Variants in NKAIN2 observed in about 807,000 individuals in gnomAD.
NKAIN2 encodes sodium/potassium transporting ATPase interacting 2, also known as sodium/potassium-transporting ATPase subunit beta-1-interacting protein 2.
Under a neutral mutation model 32.6 loss-of-function variants are expected in NKAIN2, and 14 were observed. The ratio of observed to expected loss-of-function variants is 0.43; its 90% confidence interval spans 0.28 to 0.67. The LOEUF (loss-of-function observed/expected upper bound fraction) is 0.67. Ranked by LOEUF, NKAIN2 falls within the 30% of genes least tolerant of loss-of-function variation. The pLI is 0.17. For missense variants in NKAIN2, 198 were observed against 258.3 expected (o/e 0.77, Z 1.60); for synonymous variants, 80 against 87.2 (o/e 0.92, Z 0.46).
chr6:124,623,358 T>C (rs1456100492), intron 3 of NKAIN2, among the ~76,000 whole-genome samples: 1 of 152,194 alleles, frequency 6.6e-6, no homozygotes, highest in African/African-American at 2.4e-5. Flanking sequence ...TACTAAATTA[T>C]GAGAGCAGGA....
intron 3 of NKAIN2, among the ~76,000 whole-genome samples, chr6:124,441,307 A>G (rs1377890887): frequency 3.3e-5 from 5 of 152,092 alleles, no homozygotes; most frequent in Non-Finnish European, 5.9e-5. Flanking sequence ...ATTAATTCCA[A>G]TCAAGAGAAA....
At chr6:123,959,431 A>C (rs921961713) in intron 1 of NKAIN2, among the ~76,000 whole-genome samples, 3 of 152,136 alleles carry the variant, frequency 2.0e-5, no homozygotes, top group African/African-American at 7.2e-5. Flanking sequence ...AGAAACATAG[A>C]TTTAACACTG....
chr6:124,179,641 G>A (rs1562404959), intron 1 of NKAIN2, among the ~76,000 whole-genome samples: 1 of 152,164 alleles, frequency 6.6e-6, no homozygotes, highest in African/African-American at 2.4e-5. Flanking sequence ...GGCACTCAAG[G>A]CGCATCTGCT....
intron 3 of NKAIN2, among the ~76,000 whole-genome samples, chr6:124,442,967 C>T (rs9398753): frequency 0.67 from 102,542 of 151,984 alleles, 37,428 homozygotes; most frequent in South Asian, 0.81. Context: ...AGCTGACAGC[C>T]CTTCATGTCA....
intron 3 of NKAIN2, among the ~76,000 whole-genome samples, chr6:124,448,161 A>C (rs1775969605): frequency 6.6e-6 from 1 of 152,090 alleles, no homozygotes; most frequent in Admixed American, 6.6e-5. Flanking sequence ...TGTAAAATGA[A>C]GCATTGGAAT....
intron 2 of NKAIN2, among the ~76,000 whole-genome samples, chr6:124,326,504 T>A (rs1797418378): frequency 6.6e-6 from 1 of 151,942 alleles, no homozygotes; most frequent in Non-Finnish European, 1.5e-5. Flanking sequence ...CAAAAGGTTA[T>A]CTCCTCAATT....
intron 1 of NKAIN2, among the ~76,000 whole-genome samples, chr6:124,083,354 G>T (rs1449295972): frequency 1.3e-5 from 2 of 151,814 alleles, no homozygotes; most frequent in Non-Finnish European, 2.9e-5. Flanking sequence ...CCTAATTAAT[G>T]TTAGCTGACC....
intron 1 of NKAIN2, among the ~76,000 whole-genome samples, chr6:123,881,682 A>G (rs1269921911): frequency 2.0e-5 from 3 of 152,216 alleles, no homozygotes; most frequent in African/African-American, 7.2e-5. Flanking sequence ...ATGATTTATC[A>G]TAGTAATAAA....
At chr6:123,860,331 C>T (rs1775738032) in intron 1 of NKAIN2, among the ~76,000 whole-genome samples, 1 of 152,136 alleles carries the variant, frequency 6.6e-6, no homozygotes, top group Non-Finnish European at 1.5e-5. Flanking sequence ...TCTCCAGAAA[C>T]AGTAATTATA....
intron 1 of NKAIN2, among the ~76,000 whole-genome samples, chr6:124,128,802 G>T (rs1303386717): frequency 6.6e-6 from 1 of 152,060 alleles, no homozygotes; most frequent in Non-Finnish European, 1.5e-5. Context: ...TCTTCTTGAG[G>T]TGTTATATTT....
chr6:124,625,017 A>T (rs1290102979), intron 3 of NKAIN2, among the ~76,000 whole-genome samples: 1 of 152,194 alleles, frequency 6.6e-6, no homozygotes, highest in Non-Finnish European at 1.5e-5. Context: ...TACTAAGATA[A>T]TTAAATATTT....
rs528022926 is a variant in NKAIN2 at position 124,061,075 on chromosome 6, C to T, written c.55-221930C>T. ...TGATTTGATCAAAGGGCTCCAATCT[C>T]TGAGAGACAGTAAATAATACAGTAT... is the stretch of plus-strand genomic sequence containing the variant. On this transcript the variant is annotated intron_variant, in intron 1 of 6. Transcript: ENST00000368417. Among the ~76,000 whole-genome samples, 21 of 152,194 alleles carry T rather than the reference C, an allele frequency of 1.4e-4. No homozygotes were observed. In the South Asian group the frequency reaches 2.5e-3, roughly 18 times the overall value.
intron 3 of NKAIN2, among the ~76,000 whole-genome samples, chr6:124,396,356 A>G (rs893596610): frequency 1.3e-5 from 2 of 151,370 alleles, no homozygotes; most frequent in African/African-American, 4.8e-5. Context: ...TGGGAATGAG[A>G]GAGGAATTGA....
chr6:124,112,026 G>C (rs966126256), intron 1 of NKAIN2, among the ~76,000 whole-genome samples: 1 of 151,798 alleles, frequency 6.6e-6, no homozygotes, highest in African/African-American at 2.4e-5. Context: ...AATTGTGTTT[G>C]TATCTTTATA....
At chr6:124,575,293 A>G (rs1781288234) in intron 3 of NKAIN2, among the ~76,000 whole-genome samples, 1 of 152,144 alleles carries the variant, frequency 6.6e-6, no homozygotes, top group East Asian at 1.9e-4. Flanking sequence ...CTCTATGTAC[A>G]ATGTATGTTA....
chr6:124,803,755 C>G (rs908682621), intron 5 of NKAIN2, among the ~76,000 whole-genome samples: 7 of 152,116 alleles, frequency 4.6e-5, no homozygotes, highest in Non-Finnish European at 7.3e-5. Flanking sequence ...ACAAAGTTCT[C>G]TCTTTTGAGC....
chr6:124,301,728 C>G (rs1796300269), intron 2 of NKAIN2, among the ~76,000 whole-genome samples: 1 of 152,198 alleles, frequency 6.6e-6, no homozygotes, highest in Admixed American at 6.5e-5. Context: ...TTCAGACTTG[C>G]ATGGGGCCTG....
intron 3 of NKAIN2, among the ~76,000 whole-genome samples, chr6:124,466,750 GAAA>G (rs5879737): frequency 1.8e-3 from 260 of 144,018 alleles, no homozygotes; most frequent in African/African-American, 6.1e-3. Context: ...AGTAAAAAAA[GAAA>G]AAAAAAAAAA....
chr6:124,570,980 T>G (rs550126907), intron 3 of NKAIN2, among the ~76,000 whole-genome samples: 2 of 152,140 alleles, frequency 1.3e-5, no homozygotes, highest in Non-Finnish European at 2.9e-5. Flanking sequence ...GAAATCCACA[T>G]TTTGCATCAG....
Sources: allele counts gnomAD v4.1 joint callset (sites outside exome capture counted in the v4.1 genomes callset), GRCh38; gene constraint gnomAD v4.1.1; transcripts MANE v1.5; gene names NCBI Gene and HGNC (gene_info 2026-07-23, HGNC 2026-07-21).